ZNF318: variants seen among roughly 807,000 people sequenced by gnomAD.
ZNF318 encodes zinc finger protein 318.
ZNF318 carries 51 observed loss-of-function variants against 124.2 expected under a neutral mutation model. The observed-to-expected ratio is 0.41, with a 90% CI of 0.33 to 0.52. ZNF318 has a LOEUF of 0.52. Ranked by LOEUF, ZNF318 falls within the 20% of genes least tolerant of loss-of-function variation. ZNF318 has a pLI of 0.23. For missense variants in ZNF318, 2,815 were observed against 2,811.2 expected (o/e 1.00, Z -0.03); for synonymous variants, 1,090 against 1,040.7 (o/e 1.05, Z -0.91).
At chr6:43,343,419 G>T (rs1011274716) in intron 6 of ZNF318, among the ~76,000 whole-genome samples, 1 of 152,156 alleles carries the variant, frequency 6.6e-6, no homozygotes, top group African/African-American at 2.4e-5. Context: ...AAGGGTTGGT[G>T]TACATAGATA....
In ZNF318 at chr6:43,338,112, G is replaced by C; in HGVS notation, c.5886C>G (p.Asn1962Lys). ...TCTCCCAGGTCTCTGGCCTCTTCTTGTTTTCATCCCAAACAGCCAACTCAT... is the reference window on the plus strand; with the variant it reads ...TCTCCCAGGTCTCTGGCCTCTTCTTCTTTTCATCCCAAACAGCCAACTCAT... ...KIYELAVWDE[N>K]KKRPETWESP... Residue 1962 changes from asparagine (N) to lysine (K), a missense_variant, in exon 10 of 10, where the codon AAC (asparagine) becomes AAG (lysine). By Grantham distance (94) the Asn-to-Lys change is moderately conservative. Coordinates refer to ENST00000361428, the MANE Select transcript of ZNF318 (RefSeq NM_014345.3). 1 of 1,613,328 alleles carries C rather than the reference G, an allele frequency of 6.2e-7. No homozygotes were observed. The highest frequency in any genetic ancestry group is 8.5e-7 in the Non-Finnish European group (1 of 1,179,814).
chr6:43,352,374 T>TA lies in ZNF318; in HGVS notation c.2770+2dup. The TA allele has an allele frequency of 6.2e-7, 1 of 1,613,644 alleles. No homozygotes were observed. Among genetic ancestry groups the TA allele is most frequent in the Non-Finnish European group, 8.5e-7 (1 of 1,179,560 alleles). ...AAAGGCAGTCATGCAAAGCAGCTGA[T>TA]ACCTTGTTGTTTATGAAGCCGCTCT... is the stretch of plus-strand genomic sequence containing the variant. On this transcript the variant is annotated splice_region_variant and intron_variant, in intron 5 of 9. Coordinates refer to ENST00000361428, the MANE Select transcript of ZNF318 (RefSeq NM_014345.3).
At chr6:43,353,217 TC>T (rs1779557877) in intron 4 of ZNF318, among the ~76,000 whole-genome samples, 1 of 152,160 alleles carries the variant, frequency 6.6e-6, no homozygotes, top group African/African-American at 2.4e-5. Flanking sequence ...TTGAACCTAT[TC>T]CCTTTCCCAA....
rs62402402 is a variant in ZNF318, at chr6:43,352,183, T to C, written c.2770+194A>G. Among the ~76,000 whole-genome samples, 30,747 of 98,200 alleles carry C rather than the reference T, an allele frequency of 0.31. 5,349 individuals are homozygous for C. The highest frequency in any genetic ancestry group is 0.48 in the African/African-American group (8,108 of 16,892). 64.4% of individuals were successfully genotyped at this position (98,200 alleles called of 152,430 possible). A position where few individuals can be genotyped will look rare whatever the true frequency, so the allele number is the denominator to read the frequency against. Reference sequence around the variant, plus strand: ...ATCATCATCATCATCATCATCATCATCACCACCACCATCATCTGGGAGAAG... The same window carrying C: ...ATCATCATCATCATCATCATCATCACCACCACCACCATCATCTGGGAGAAG... On this transcript the variant is annotated intron_variant, in intron 5 of 9. Coordinates refer to ENST00000361428, the MANE Select transcript of ZNF318 (RefSeq NM_014345.3).
chr6:43,369,442 AGCTGCAGCCGCCGCCACCTCGGCC>A lies in ZNF318; in HGVS notation c.-101_-78del, dbSNP rs1429706847. On this transcript the variant is annotated 5_prime_UTR_variant, in exon 1 of 10. Transcript: ENST00000361428. ...ACGCAGGCTCGGAGCGCGCCGCCGC[AGCTGCAGCCGCCGCCACCTCGGCC>A]GCTGCGCGCCGCCTCAGCCGCGGGA... is the stretch of plus-strand genomic sequence containing the variant. 6.4e-6 allele frequency: 7 copies of A among 1,102,216 alleles called. No individual in the cohort carries two copies. Among genetic ancestry groups the A allele is most frequent in the African/African-American group, 1.7e-5 (1 of 59,896 alleles). The allele number at this position is 1,102,216 out of a possible 1,614,324, so 68.3% of individuals were successfully genotyped here. A position where few individuals can be genotyped will look rare whatever the true frequency, so the allele number is the denominator to read the frequency against.
chr6:43,354,720 TTA>T lies in ZNF318; in HGVS notation c.2612_2613del (p.Ile871LysfsTer3). The T allele has an allele frequency of 6.2e-7, 1 of 1,614,020 alleles. No homozygotes were observed. The highest frequency in any genetic ancestry group is 2.2e-5 in the East Asian group (1 of 44,892). ...VPVQVSIPSL[I>X]RYNPEKISDE... The stretch of plus-strand genomic sequence containing the variant: ...TCAGAGATCTTCTCTGGATTATATC[TTA>T]TGAGTGATGGAATGGACACCTGGAC... On this transcript the variant is annotated frameshift_variant, in exon 4 of 10. Coordinates refer to ENST00000361428, the MANE Select transcript of ZNF318 (RefSeq NM_014345.3). LOFTEE classifies it high-confidence loss of function.
chr6:43,365,576 GTGTAT>G (rs781577331), intron 1 of ZNF318, 136 bp from the exon 2 acceptor site: 43 of 775,092 alleles, frequency 5.5e-5, no homozygotes, highest in Middle Eastern at 3.9e-4. Flanking sequence ...GGAGGCTGAG[GTGTAT>G]AGGCCCAGGC....
chr6:43,362,199 C>A (rs1039150752), intron 2 of ZNF318, among the ~76,000 whole-genome samples: 1 of 151,876 alleles, frequency 6.6e-6, no homozygotes, highest in African/African-American at 2.4e-5. Context: ...CGGTGGCTCA[C>A]ACCTGTAATC....
In ZNF318 at chr6:43,355,476, G is replaced by T. The variant is rs145555771; in HGVS notation, c.1858C>A (p.His620Asn). 6.2e-7 allele frequency: 1 copy of T among 1,614,212 alleles called. No homozygotes were observed. Among genetic ancestry groups the T allele is most frequent in the African/African-American group, 1.3e-5 (1 of 75,060 alleles). Residue 620 changes from histidine (H) to asparagine (N), a missense_variant, in exon 4 of 10, where the codon CAT (histidine) becomes AAT (asparagine). Transcript: ENST00000361428. Reference protein sequence around the residue: ...QLAARTQERLHGKKPSLRSSA... With the variant: ...QLAARTQERLNGKKPSLRSSA... ...GAGCGTAATGATGGCTTCTTGCCAT[G>T]AAGTCGTTCCTGGGTGCGTGCAGCC...
At chr6:43,364,204 T>C in intron 2 of ZNF318, 1 of 731,794 alleles carries the variant, frequency 1.4e-6, no homozygotes, top group Non-Finnish European at 2.3e-6. Context: ...TCACCAAGTC[T>C]CCCTATCAGG....
chr6:43,342,581 A>T (rs1027041737), intron 7 of ZNF318, 95 bp downstream of exon 7: 2 of 1,338,782 alleles, frequency 1.5e-6, no homozygotes, highest in Non-Finnish European at 2.1e-6. Flanking sequence ...CCATATGAGA[A>T]TGTTTCCTTT....
rs774391625 is a variant in ZNF318, at chr6:43,337,241, T to C, written c.6757A>G (p.Asn2253Asp). The change falls in exon 10 of 10, where the codon AAT becomes GAT. Residue 2253 changes from asparagine to aspartate, a missense_variant. This residue lies in a region of ZNF318 where 927 missense variants were observed against 820.6 expected (regional missense o/e 1.13). Transcript: ENST00000361428. ...TCAGGCATTCCCTGAGGGACCATAT[T>C]GTCTTCAATTACCTGCTCCCTTGGA... ...SPPREQVIED[N>D]MVPQGMPEQE... The C allele has an allele frequency of 6.8e-6, 11 of 1,614,148 alleles. No homozygotes were observed. Among genetic ancestry groups the C allele is most frequent in the Admixed American group, 1.7e-5 (1 of 60,024 alleles).
At chr6:43,368,613 G>C in intron 1 of ZNF318, 1 of 959,606 alleles carries the variant, frequency 1.0e-6, no homozygotes, top group Non-Finnish European at 1.2e-6. Flanking sequence ...GGGATGAAAA[G>C]TACGGAACCC....
chr6:43,339,072 A>G lies in ZNF318; in HGVS notation c.4926T>C (p.Ser1642=), dbSNP rs2150748464. Residue 1642 remains serine, a synonymous_variant, in exon 10 of 10, where the codon TCT becomes TCC. Coordinates refer to ENST00000361428, the MANE Select transcript of ZNF318 (RefSeq NM_014345.3). This position sits in a 1 kb window ranked among gnomAD's most constrained non-coding sequence, Gnocchi z 4.2. ...GLVAAPIVSN[S]EKPIAKTLVA... ...CCAGAGTTTTTGCAATGGGCTTTTC[A>G]GAGTTGCTAACTATAGGAGCAGCGA... 1 of 1,614,176 alleles carries G rather than the reference A, an allele frequency of 6.2e-7. No homozygotes were observed. The highest frequency in any genetic ancestry group is 1.3e-5 in the African/African-American group (1 of 75,030).
chr6:43,360,469 C>T (rs1418977859), intron 2 of ZNF318, among the ~76,000 whole-genome samples: 1 of 152,106 alleles, frequency 6.6e-6, no homozygotes, highest in Non-Finnish European at 1.5e-5. Flanking sequence ...TGGTTAAGTT[C>T]AACTGTTTTC....
rs1280865655 is a variant in ZNF318, at chr6:43,355,795, C to T, written c.1539G>A (p.Met513Ile). The T allele has an allele frequency of 6.2e-7, 1 of 1,614,122 alleles. No homozygotes were observed. The highest frequency in any genetic ancestry group is 1.3e-5 in the African/African-American group (1 of 74,940). Reference protein sequence around the residue: ...DGSGFSRILSMLADSTSTQEK... With the variant: ...DGSGFSRILSILADSTSTQEK... The stretch of plus-strand genomic sequence containing the variant: ...CCTGTGTACTGGTAGAATCAGCCAA[C>T]ATGCTCAGAATGCGGGAAAAACCAC... Residue 513 changes from methionine to isoleucine, a missense_variant, in exon 4 of 10, where the codon ATG becomes ATA. By Grantham distance (10) the Met-to-Ile change is conservative. Around this residue, in one of 4 missense-constraint regions of ZNF318, gnomAD observed 1,377 missense variants for 1,353.5 expected, o/e 1.02. Transcript: ENST00000361428.
rs1779621133 is a variant in ZNF318 at position 43,357,217 on chromosome 6, G to A, written c.1097C>T (p.Ser366Phe). The A allele has an allele frequency of 6.2e-7, 1 of 1,614,050 alleles. No individual in the cohort carries two copies. Among genetic ancestry groups the A allele is most frequent in the Non-Finnish European group, 8.5e-7 (1 of 1,180,034 alleles). Residue 366 changes from serine (S) to phenylalanine (F), a missense_variant, in exon 3 of 10, where the codon TCT becomes TTT. This residue lies in a region of ZNF318 where 1,377 missense variants were observed against 1,353.5 expected (regional missense o/e 1.02). Transcript: ENST00000361428. ...AGATACTTCCTCAGGCCGATGCAAA[G>A]AATATCCTGGCTCCGATGCTGTTAG... ...GVLTASEPGYSLHRPEEVSVM... is the reference protein window; with the variant it reads ...GVLTASEPGYFLHRPEEVSVM...
At chr6:43,361,776 C>T (rs1056745746) in intron 2 of ZNF318, among the ~76,000 whole-genome samples, 2 of 152,208 alleles carry the variant, frequency 1.3e-5, no homozygotes, top group African/African-American at 4.8e-5. Context: ...CACTAAAACC[C>T]AACTTGGCTA....
intron 1 of ZNF318, chr6:43,368,703 A>T: frequency 1.0e-6 from 1 of 985,260 alleles, no homozygotes; most frequent in South Asian, 4.7e-5. Flanking sequence ...AACTTTCCAC[A>T]CCTCACCCGG....
Sources: allele counts gnomAD v4.1 joint callset (sites outside exome capture counted in the v4.1 genomes callset), GRCh38; gene constraint gnomAD v4.1.1; regional missense constraint gnomAD v4.1.1; non-coding constraint Gnocchi (gnomAD v3.1); transcripts MANE v1.5; gene names NCBI Gene and HGNC (gene_info 2026-07-23, HGNC 2026-07-21).